STK3: variants seen among roughly 807,000 people sequenced by gnomAD.
STK3 encodes the protein serine/threonine kinase 3.
A neutral mutation model predicts 58.0 loss-of-function variants in STK3; 41 were observed. That is an observed-to-expected ratio of 0.71 (90% CI 0.55 to 0.92). The LOEUF (loss-of-function observed/expected upper bound fraction) is 0.92. STK3 is among the 40% of genes least tolerant of loss of function. The pLI, the probability that STK3 is intolerant of heterozygous loss-of-function variation, is 0.00. For missense variants in STK3, 479 were observed against 602.7 expected (o/e 0.79, Z 2.15); for synonymous variants, 170 against 191.0 (o/e 0.89, Z 0.91).
At chr8:98,473,194 T>C (rs1221936725) in intron 10 of STK3, among the ~76,000 whole-genome samples, 1 of 152,160 alleles carries the variant, frequency 6.6e-6, no homozygotes, top group Non-Finnish European at 1.5e-5. Context: ...TCTTTCTGAA[T>C]ATAAGCAATG....
intron 6 of STK3, among the ~76,000 whole-genome samples, chr8:98,679,147 T>C (rs1823442093): frequency 1.3e-5 from 2 of 152,230 alleles, no homozygotes; most frequent in Admixed American, 6.5e-5. Flanking sequence ...AACTAGTCTA[T>C]GTAATTCCAC....
At chr8:98,652,243 T>C (rs540240351) in intron 6 of STK3, among the ~76,000 whole-genome samples, 1,698 of 152,178 alleles carry the variant, frequency 0.011, 42 homozygotes, top group African/African-American at 0.039. Context: ...GCTTCATAAG[T>C]GAAGGAGAAA....
Position 98,596,180 on chromosome 8 carries a change from T to C in STK3, c.685-11A>G, listed in dbSNP as rs747813345. 48 of 1,608,650 alleles carry C rather than the reference T, an allele frequency of 3.0e-5. No individual in the cohort carries two copies. Among genetic ancestry groups the C allele is most frequent in the Non-Finnish European group, 3.7e-5 (44 of 1,177,264 alleles). ...AATCATAAAAATAGCCTAGTACAAA[T>C]GAAATATCCAAAAGACAGTAAGAAT... On this transcript the variant is annotated splice_polypyrimidine_tract_variant and intron_variant, in intron 6 of 10. Coordinates refer to ENST00000419617, the MANE Select transcript of STK3 (RefSeq NM_006281.4).
intron 6 of STK3, among the ~76,000 whole-genome samples, chr8:98,599,494 C>T (rs1272589092): frequency 2.6e-5 from 4 of 151,560 alleles, no homozygotes; most frequent in Non-Finnish European, 5.9e-5. Context: ...TATCAGGTCC[C>T]GTACTGGGTA....
intron 4 of STK3, among the ~76,000 whole-genome samples, chr8:98,741,466 G>C (rs1829202194): frequency 6.6e-6 from 1 of 152,148 alleles, no homozygotes; most frequent in African/African-American, 2.4e-5. Context: ...CAACTACATG[G>C]AAACTGAACA....
chr8:98,688,195 G>C (rs1231944344), intron 6 of STK3, among the ~76,000 whole-genome samples: 1 of 152,116 alleles, frequency 6.6e-6, no homozygotes, highest in South Asian at 2.1e-4. Flanking sequence ...AATTTTTAAA[G>C]GGTTCAGTTA....
At chr8:98,815,984 C>CTATA (rs143820365) in intron 1 of STK3, among the ~76,000 whole-genome samples, 13 of 148,984 alleles carry the variant, frequency 8.7e-5, no homozygotes, top group African/African-American at 1.5e-4. Context: ...CAAACCCCAT[C>CTATA]TATATATATA....
At chr8:98,817,740 G>A (rs76425302) in intron 1 of STK3, among the ~76,000 whole-genome samples, 128 of 151,772 alleles carry the variant, frequency 8.4e-4, no homozygotes, top group African/African-American at 2.5e-3. Flanking sequence ...CCAAAATATC[G>A]CAAATCTCTC....
chr8:98,479,379 C>G (rs548998495), intron 10 of STK3, among the ~76,000 whole-genome samples: 6 of 150,606 alleles, frequency 4.0e-5, no homozygotes. Context: ...CCCAGTGACT[C>G]GGGAGGCTGA....
At chr8:98,870,873 T>C (rs2131874910) in intron 3 of STK3, among the ~76,000 whole-genome samples, 1 of 152,380 alleles carries the variant, frequency 6.6e-6, no homozygotes, top group African/African-American at 2.4e-5. Context: ...AATTTTGGCT[T>C]TCGTTGCCAT....
chr8:98,541,647 G>A (rs947537982), intron 9 of STK3, among the ~76,000 whole-genome samples: 8 of 152,160 alleles, frequency 5.3e-5, no homozygotes, highest in Non-Finnish European at 1.2e-4. Context: ...ACTGATATAA[G>A]CACATTTGAG....
chr8:98,906,442 G>T (rs2131968432), intron 1 of STK3: 1 of 152,294 alleles, frequency 6.6e-6, no homozygotes, highest in East Asian at 1.9e-4. Context: ...CTCATGGTCT[G>T]CAGCGCGGCC....
chr8:98,678,280 T>C (rs1823372242), intron 6 of STK3, among the ~76,000 whole-genome samples: 1 of 152,132 alleles, frequency 6.6e-6, no homozygotes, highest in Admixed American at 6.5e-5. Flanking sequence ...ACATTCTATG[T>C]GGAAATAAAA....
intron 3 of STK3, among the ~76,000 whole-genome samples, chr8:98,406,575 G>A (rs912322615): frequency 6.6e-6 from 1 of 152,158 alleles, no homozygotes; most frequent in Non-Finnish European, 1.5e-5. Flanking sequence ...TTAAGTGTAT[G>A]AAGGACATAG....
At chr8:98,361,292 G>C in the STK3 span, among the ~76,000 whole-genome samples, 2 of 151,908 alleles carry the variant, frequency 1.3e-5, no homozygotes, top group Non-Finnish European at 2.9e-5. Context: ...GGTGGTAGCT[G>C]CAGAAAAAAA....
intron 10 of STK3, among the ~76,000 whole-genome samples, chr8:98,519,432 C>T (rs1327514034): frequency 6.6e-6 from 1 of 152,074 alleles, no homozygotes; most frequent in Non-Finnish European, 1.5e-5. Flanking sequence ...TTCTTTATCA[C>T]TCCTTCACAG....
At chr8:98,783,930 G>A (rs1832287136) in intron 1 of STK3, among the ~76,000 whole-genome samples, 1 of 152,156 alleles carries the variant, frequency 6.6e-6, no homozygotes, top group Non-Finnish European at 1.5e-5. Context: ...ATCCAAGGAA[G>A]ACACACAAAC....
At chr8:98,696,684 G>T (rs1824974188) in intron 6 of STK3, among the ~76,000 whole-genome samples, 1 of 152,198 alleles carries the variant, frequency 6.6e-6, no homozygotes, top group Admixed American at 6.5e-5. Flanking sequence ...TATTGAACCA[G>T]TCTTGCATCC....
intron 1 of STK3, among the ~76,000 whole-genome samples, chr8:98,893,474 GAAAGAAA>G (rs1838303607): frequency 1.5e-5 from 1 of 65,250 alleles, no homozygotes; most frequent in Non-Finnish European, 2.8e-5. Context: ...AAGAAAGAAA[GAAAGAAA>G]GAAAGAGAAA....
Sources: gnomAD v4.1 joint callset for allele counts (sites outside exome capture counted in the v4.1 genomes callset) on GRCh38, gnomAD v4.1.1 for gene constraint, MANE v1.5 for transcripts, NCBI Gene and HGNC (gene_info 2026-07-23, HGNC 2026-07-21) for gene names.